Variants in WDR41 observed in about 807,000 individuals in gnomAD.
The protein encoded by WDR41 is WD repeat domain 41.
In WDR41, 63 loss-of-function variants were observed where a neutral mutation model predicts 69.3. The observed-to-expected ratio is 0.91, with a 90% confidence interval of 0.74 to 1.12. The LOEUF is 1.12. Among genes scored for constraint, WDR41 ranks in the 50% most tolerant of loss-of-function variants. WDR41 has a pLI of 0.00. For synonymous variants in WDR41, 185 were observed against 192.1 expected, an observed-to-expected ratio of 0.96 and a Z score of 0.31; for missense variants, 543 against 534.5, an observed-to-expected ratio of 1.02 and a Z score of -0.16.
At position 77,489,522 on chromosome 5, in the gene WDR41, A is replaced by G; in HGVS notation, c.102T>C (p.Thr34=). Residue 34 remains threonine, a synonymous_variant, in exon 2 of 13, where the codon ACT becomes ACC. Transcript: ENST00000296679. ...IGEEQTQNPY[T]ELLVLKAHHD... is the part of the protein sequence containing the mutation. ...GATGAGCCTTCAGTACTAGCAGTTC[A>G]GTGTAGGGATTCTGGGTTTGTTCTT... 1 of 1,609,866 alleles carries G rather than the reference A, an allele frequency of 6.2e-7. No individual in the cohort carries two copies. Among genetic ancestry groups the G allele is most frequent in the Non-Finnish European group, 8.5e-7 (1 of 1,178,278 alleles).
At chr5:77,545,827 C>T in intron 1 of WDR41, 2 of 951,260 alleles carry the variant, frequency 2.1e-6, no homozygotes, top group South Asian at 3.4e-5. Context: ...GTGGCCACTG[C>T]CATCCGTGGG....
intron 1 of WDR41, among the ~76,000 whole-genome samples, chr5:77,609,603 G>A (rs1196483835): frequency 6.6e-6 from 1 of 152,158 alleles, no homozygotes; most frequent in East Asian, 1.9e-4. Context: ...AGTCCTGTCT[G>A]TTAGAAGGAA....
chr5:77,447,263 A>G (rs1490018790), intron 8 of WDR41, among the ~76,000 whole-genome samples: 1 of 152,232 alleles, frequency 6.6e-6, no homozygotes, highest in African/African-American at 2.4e-5. Context: ...TCAGGAAACC[A>G]TAGATGCTGA....
intron 1 of WDR41, among the ~76,000 whole-genome samples, chr5:77,537,074 C>A (rs1374579613): frequency 6.6e-6 from 1 of 152,152 alleles, no homozygotes; most frequent in African/African-American, 2.4e-5. Context: ...AAGCACTGAC[C>A]AATCAAAACA....
At chr5:77,477,108 C>G (rs1800976532) in intron 2 of WDR41, among the ~76,000 whole-genome samples, 1 of 148,060 alleles carries the variant, frequency 6.8e-6, no homozygotes, top group Non-Finnish European at 1.5e-5. Flanking sequence ...GGGATCAATT[C>G]AACAAGAAGA....
At chr5:77,532,451 T>C (rs1802541040) in intron 1 of WDR41, among the ~76,000 whole-genome samples, 1 of 152,144 alleles carries the variant, frequency 6.6e-6, no homozygotes. Context: ...CTTGTAGGTA[T>C]ATATCCAACA....
At chr5:77,436,438 C>A (rs533305537) in intron 11 of WDR41, 44 bp from the exon 12 acceptor site, 7 of 1,597,406 alleles carry the variant, frequency 4.4e-6, no homozygotes, top group South Asian at 3.4e-5. Context: ...TCTGTACTTA[C>A]AATAACATGA....
chr5:77,596,010 T>C (rs1409730725), intron 1 of WDR41, among the ~76,000 whole-genome samples: 1 of 152,230 alleles, frequency 6.6e-6, no homozygotes, highest in African/African-American at 2.4e-5. Context: ...AAGTACTGGC[T>C]GTGGGCTTAA....
intron 1 of WDR41, among the ~76,000 whole-genome samples, chr5:77,592,044 T>C (rs1299256253): frequency 2.6e-5 from 4 of 152,164 alleles, no homozygotes; most frequent in African/African-American, 7.2e-5. Flanking sequence ...ATTGAGGCCA[T>C]GTTATTAAGA....
chr5:77,569,233 A>G (rs1256551744), intron 1 of WDR41, among the ~76,000 whole-genome samples: 2 of 152,208 alleles, frequency 1.3e-5, no homozygotes, highest in African/African-American at 4.8e-5. Context: ...TCTTTCAAGG[A>G]GCCAAAAAAT....
intron 1 of WDR41, among the ~76,000 whole-genome samples, chr5:77,498,816 CA>C (rs35946022): frequency 2.8e-3 from 247 of 87,342 alleles, no homozygotes; most frequent in Middle Eastern, 6.4e-3. Context: ...AAGACCCCAT[CA>C]AAAAAAAAAA....
intron 2 of WDR41, among the ~76,000 whole-genome samples, chr5:77,466,467 A>G (rs1185420180): frequency 6.6e-6 from 1 of 151,836 alleles, no homozygotes; most frequent in East Asian, 1.9e-4. Flanking sequence ...ATCAATTTCT[A>G]TTGATTCTTT....
Position 77,489,347 on chromosome 5 carries a change from AC to A in WDR41, c.167+109del, listed in dbSNP as rs1189967379. 13 of 557,818 alleles carry A rather than the reference AC, an allele frequency of 2.3e-5. No individual in the cohort carries two copies. In the Admixed American group the frequency reaches 3.7e-4, roughly 16 times the overall value. The allele number at this position is 557,818 out of a possible 1,614,324, so 34.6% of individuals were successfully genotyped here. ...TTTCTACTAAATGTTACTAATGATCACAGTTTTTAAATTTTTAGAAAAGATG... is the reference window on the plus strand; with the variant it reads ...TTTCTACTAAATGTTACTAATGATCAAGTTTTTAAATTTTTAGAAAAGATG... On this transcript the variant is annotated intron_variant, in intron 2 of 12. Transcript: ENST00000296679.
chr5:77,492,405 T>G, upstream of WDR41: 1 of 688,350 alleles, frequency 1.5e-6, no homozygotes, highest in Non-Finnish European at 2.2e-6. Flanking sequence ...CCCAAAGCGC[T>G]CCCGTACCCA....
intron 2 of WDR41, among the ~76,000 whole-genome samples, chr5:77,489,077 T>C (rs1801649636): frequency 6.6e-6 from 1 of 152,186 alleles, no homozygotes; most frequent in Non-Finnish European, 1.5e-5. Flanking sequence ...AAATAAAACA[T>C]TCCTGGTAGG....
At chr5:77,540,226 G>A (rs1743062199) in intron 1 of WDR41, among the ~76,000 whole-genome samples, 1 of 152,140 alleles carries the variant, frequency 6.6e-6, no homozygotes, top group Non-Finnish European at 1.5e-5. Flanking sequence ...GTCTTGCTTT[G>A]ATAATTCTGC....
intron 1 of WDR41, among the ~76,000 whole-genome samples, chr5:77,518,547 C>T (rs2112186508): frequency 6.6e-6 from 1 of 152,102 alleles, no homozygotes; most frequent in South Asian, 2.1e-4. Flanking sequence ...GCCTTGTTTT[C>T]CCTAAGTCAT....
In WDR41 at chr5:77,449,985, C is replaced by G. The variant is rs2305989; in HGVS notation, c.587-115G>C. 1,143 of 692,206 alleles carry G rather than the reference C, an allele frequency of 1.7e-3. 22 individuals are homozygous for G. In the East Asian group the frequency reaches 0.03, roughly 18 times the overall value. The allele number at this position is 692,206 out of a possible 1,614,324, so 42.9% of individuals were successfully genotyped here. ...GAAAAATACCTACCATACTGAAAAA[C>G]CCATCTCCAAAAAAAAGCCTTATTC... is the stretch of plus-strand genomic sequence containing the variant. On this transcript the variant is annotated intron_variant, in intron 7 of 12. Transcript: ENST00000296679.
intron 1 of WDR41, among the ~76,000 whole-genome samples, chr5:77,513,967 CAA>C (rs11347132): frequency 6.6e-6 from 1 of 151,706 alleles, no homozygotes; most frequent in African/African-American, 2.4e-5. Flanking sequence ...TTTTGTTTTA[CAA>C]AAAAAACTTT....
Sources: allele counts gnomAD v4.1 joint callset (sites outside exome capture counted in the v4.1 genomes callset), GRCh38; gene constraint gnomAD v4.1.1; transcripts MANE v1.5; gene names NCBI Gene and HGNC (gene_info 2026-07-23, HGNC 2026-07-21).